The following CFAP61 variants were observed in gnomAD, a reference collection of about 807,000 sequenced individuals.
The protein encoded by CFAP61 is cilia- and flagella-associated protein 61.
CFAP61 carries 107 observed loss-of-function variants against 135.6 expected under a neutral mutation model. That is an observed-to-expected ratio of 0.79 (90% confidence interval 0.67 to 0.93). The LOEUF (loss-of-function observed/expected upper bound fraction) is 0.93, where lower values mean the gene tolerates loss of function less well. CFAP61 is among the 40% of genes least tolerant of loss of function. The probability of loss-of-function intolerance (pLI) is 0.00; values close to 1 mark genes in which losing one functional copy is unlikely to be tolerated. For missense variants in CFAP61, 1,507 were observed against 1,556.2 expected (o/e 0.97, Z 0.53); for synonymous variants, 575 against 578.5 (o/e 0.99, Z 0.09).
At chr20:20,145,585 C>T (rs187986463) in intron 9 of CFAP61, among the ~76,000 whole-genome samples, 1 of 152,200 alleles carries the variant, frequency 6.6e-6, no homozygotes, top group African/African-American at 2.4e-5. Flanking sequence ...GTATATAAGG[C>T]AGATATAGAG....
chr20:20,142,210 C>T (rs985956047), intron 8 of CFAP61, among the ~76,000 whole-genome samples: 7 of 152,178 alleles, frequency 4.6e-5, no homozygotes, highest in Non-Finnish European at 1.0e-4. Flanking sequence ...GCCTAAGCTA[C>T]CCTGATTATT....
intron 24 of CFAP61, among the ~76,000 whole-genome samples, chr20:20,297,784 T>C (rs1295713504): frequency 2.0e-5 from 3 of 152,232 alleles, no homozygotes; most frequent in Non-Finnish European, 4.4e-5. Context: ...TTATTTCTGA[T>C]CAGTTTTGAC....
At chr20:20,085,996 C>T (rs1402612258) in intron 6 of CFAP61, among the ~76,000 whole-genome samples, 2 of 152,160 alleles carry the variant, frequency 1.3e-5, no homozygotes, top group Non-Finnish European at 2.9e-5. Context: ...GTTCTGAGGG[C>T]TCACGTGGAG....
intron 18 of CFAP61, among the ~76,000 whole-genome samples, chr20:20,239,983 A>G (rs2049896319): frequency 6.6e-6 from 1 of 152,134 alleles, no homozygotes; most frequent in Non-Finnish European, 1.5e-5. Context: ...CATGGTGGCC[A>G]AAGTGTGTAG....
At chr20:20,206,393 G>A (rs758489598) in intron 17 of CFAP61, among the ~76,000 whole-genome samples, 4 of 152,118 alleles carry the variant, frequency 2.6e-5, no homozygotes, top group Non-Finnish European at 5.9e-5. Flanking sequence ...ACCTGCAAAA[G>A]GAACCTGTAC....
At chr20:20,269,185 A>ACC (rs1394597700) in intron 21 of CFAP61, among the ~76,000 whole-genome samples, 1 of 91,810 alleles carries the variant, frequency 1.1e-5, no homozygotes. Flanking sequence ...GTATATACAC[A>ACC]CACATATATA....
chr20:20,182,984 C>A (rs771801906), intron 13 of CFAP61, among the ~76,000 whole-genome samples: 8 of 152,192 alleles, frequency 5.3e-5, no homozygotes, highest in Admixed American at 1.3e-4. Flanking sequence ...TAGATCACCT[C>A]CTCCTCAGGT....
At chr20:20,208,520 C>T (rs529814170) in intron 17 of CFAP61, among the ~76,000 whole-genome samples, 1 of 152,224 alleles carries the variant, frequency 6.6e-6, no homozygotes, top group Admixed American at 6.5e-5. Flanking sequence ...TCCTAACTCT[C>T]GTGCCCCTTC....
Position 20,196,598 on chromosome 20 carries a change from A to G in CFAP61, c.1619A>G (p.Asn540Ser). The change falls in exon 16 of 27, where the codon AAC (asparagine) becomes AGC (serine). Residue 540 changes from asparagine (N) to serine (S), a missense_variant. Coordinates refer to ENST00000245957, the MANE Select transcript of CFAP61 (RefSeq NM_015585.4). The stretch of plus-strand genomic sequence containing the variant: ...ATTGAGTACATACGGTCCCATTACA[A>G]CATTGAAGATTTCATCTACTTCAGT... ...MDIEYIRSHY[N>S]IEDFIYFSHH... The G allele has an allele frequency of 6.2e-7, 1 of 1,614,116 alleles. No individual in the cohort carries two copies. Among genetic ancestry groups the G allele is most frequent in the Non-Finnish European group, 8.5e-7 (1 of 1,179,968 alleles).
chr20:20,057,921 T>C (rs2044501587), intron 2 of CFAP61, among the ~76,000 whole-genome samples: 2 of 152,136 alleles, frequency 1.3e-5, no homozygotes, highest in African/African-American at 4.8e-5. Flanking sequence ...AGAGACTAGG[T>C]TTCATCATGT....
intron 13 of CFAP61, chr20:20,172,429 A>T (rs1054046646): frequency 3.8e-6 from 1 of 260,822 alleles, no homozygotes; most frequent in Admixed American, 6.5e-5. Context: ...TGATCCTCCC[A>T]TCTCAGCCTC....
At position 20,142,955 on chromosome 20, in the gene CFAP61, G is replaced by A. The variant is rs1394782645; in HGVS notation, c.951+7G>A. On this transcript the variant is annotated splice_region_variant and intron_variant, in intron 9 of 26. Coordinates refer to ENST00000245957, the MANE Select transcript of CFAP61 (RefSeq NM_015585.4). ...TACCATGGAAAACATCCAGGTGAGA[G>A]AGACTATCCCTCCATGCCTAGGGTG... 2.6e-6 allele frequency: 4 copies of A among 1,549,684 alleles called. No individual in the cohort carries two copies. Among genetic ancestry groups the A allele is most frequent in the South Asian group, 2.3e-5 (2 of 85,300 alleles).
intron 22 of CFAP61, among the ~76,000 whole-genome samples, chr20:20,278,972 A>G (rs1024729691): frequency 3.9e-5 from 6 of 152,228 alleles, no homozygotes; most frequent in African/African-American, 1.4e-4. Context: ...CTGTCTATAC[A>G]TGTATGTCAT....
chr20:20,276,214 A>G (rs1298887273), intron 21 of CFAP61, among the ~76,000 whole-genome samples: 8 of 152,222 alleles, frequency 5.3e-5, no homozygotes, highest in African/African-American at 1.9e-4. Context: ...TACACTTGCC[A>G]TTTATTTTGG....
intron 9 of CFAP61, among the ~76,000 whole-genome samples, chr20:20,157,927 A>G (rs2053070800): frequency 6.6e-6 from 1 of 152,204 alleles, no homozygotes; most frequent in African/African-American, 2.4e-5. Flanking sequence ...ACACAATAAT[A>G]CAAAGTAAAA....
rs150903048 is a variant in CFAP61 at position 20,145,561 on chromosome 20, C to T, written c.951+2613C>T. 1.1e-4 allele frequency among the ~76,000 whole-genome samples: 16 copies of T among 152,030 alleles called. No individual in the cohort carries two copies. In the East Asian group the frequency reaches 2.3e-3, roughly 22 times the overall value. The stretch of plus-strand genomic sequence containing the variant: ...TTAAATGTAAACGTTCCAAATGTCC[C>T]GATTAAAGATCATGTATATAAGGCA... On this transcript the variant is annotated intron_variant, in intron 9 of 26. Transcript: ENST00000245957.
At chr20:20,161,825 T>G (rs1184275090) in intron 10 of CFAP61, among the ~76,000 whole-genome samples, 1 of 152,192 alleles carries the variant, frequency 6.6e-6, no homozygotes, top group African/African-American at 2.4e-5. Flanking sequence ...GACAAGTAAG[T>G]GGAATTCTCC....
At chr20:20,228,167 T>C in intron 17 of CFAP61, 82 bp from the exon 18 acceptor site, 2 of 1,314,110 alleles carry the variant, frequency 1.5e-6, no homozygotes, top group Non-Finnish European at 2.1e-6. Flanking sequence ...GGTTAGATAA[T>C]TCTACATAGT....
At chr20:20,324,100 T>C (rs1375088284) in intron 25 of CFAP61, among the ~76,000 whole-genome samples, 2 of 152,230 alleles carry the variant, frequency 1.3e-5, no homozygotes, top group Non-Finnish European at 2.9e-5. Context: ...TTAAAATTGT[T>C]TTAATATTCT....
Sources: allele counts gnomAD v4.1 joint callset (sites outside exome capture counted in the v4.1 genomes callset), GRCh38; gene constraint gnomAD v4.1.1; transcripts MANE v1.5; gene names NCBI Gene and HGNC (gene_info 2026-07-23, HGNC 2026-07-21).